The following TRPC7 variants were observed in gnomAD, a reference collection of about 807,000 sequenced individuals.
The protein encoded by TRPC7 is transient receptor potential cation channel subfamily C member 7.
Under a neutral mutation model 90.1 loss-of-function variants are expected in TRPC7, and 42 were observed. The observed-to-expected ratio is 0.47, with a 90% CI of 0.36 to 0.60. TRPC7 has a LOEUF of 0.60. Among genes scored for constraint, TRPC7 ranks in the 20% least tolerant of loss-of-function variants. The probability of loss-of-function intolerance (pLI) is 0.00; values close to 1 mark genes in which losing one functional copy is unlikely to be tolerated. For missense variants in TRPC7, 955 were observed against 1,112.3 expected (o/e 0.86, Z 2.01); for synonymous variants, 451 against 436.3 (o/e 1.03, Z -0.42).
At chr5:136,357,409 C>T (rs1760427985) in intron 1 of TRPC7, 24 bp from the exon 2 acceptor site, 3 of 1,559,920 alleles carry the variant, frequency 1.9e-6, no homozygotes, top group African/African-American at 2.7e-5. Context: ...CAAAGATGCC[C>T]TGTTACTTTC....
intron 2 of TRPC7, among the ~76,000 whole-genome samples, chr5:136,330,209 C>T (rs1328137838): frequency 6.6e-6 from 1 of 152,188 alleles, no homozygotes; most frequent in Admixed American, 6.5e-5. Context: ...GGTCTGTGCA[C>T]CCATTAGGAT....
At chr5:136,346,613 G>T (rs551417843) in intron 2 of TRPC7, among the ~76,000 whole-genome samples, 2 of 152,198 alleles carry the variant, frequency 1.3e-5, no homozygotes, top group Middle Eastern at 6.8e-3. Context: ...TCACTGGCTT[G>T]GTTTGTGCTT....
intron 8 of TRPC7, among the ~76,000 whole-genome samples, chr5:136,228,633 G>T (rs1755713019): frequency 6.6e-6 from 1 of 151,892 alleles, no homozygotes; most frequent in South Asian, 2.1e-4. Flanking sequence ...GGGGGCTGGG[G>T]TGGGGGGAGT....
chr5:136,318,463 C>T (rs1759095786), intron 2 of TRPC7, among the ~76,000 whole-genome samples: 1 of 152,146 alleles, frequency 6.6e-6, no homozygotes, highest in African/African-American at 2.4e-5. Context: ...CAGATCTACG[C>T]TCTTCCTTAT....
In TRPC7 at chr5:136,345,225, C is replaced by T. The variant is rs1351929167; in HGVS notation, c.780+11383G>A. ...TATAGTATTAATTCAAATTTTTGTA[C>T]CTGGAGGTTGGGGAGGATTAGGAGA... On this transcript the variant is annotated intron_variant, in intron 2 of 11. Coordinates refer to ENST00000513104, the MANE Select transcript of TRPC7 (RefSeq NM_020389.3). Among the ~76,000 whole-genome samples the T allele has an allele frequency of 2.0e-5, 3 of 151,946 alleles. No individual in the cohort carries two copies. The East Asian group carries it at 5.8e-4, about 29-fold the overall frequency.
rs1339688307 is a variant in TRPC7 at position 136,344,831 on chromosome 5, C to T, written c.780+11777G>A. 3.9e-5 allele frequency among the ~76,000 whole-genome samples: 6 copies of T among 152,154 alleles called. No homozygotes were observed. The East Asian group carries it at 1.2e-3, about 29-fold the overall frequency. On this transcript the variant is annotated intron_variant, in intron 2 of 11. Coordinates refer to ENST00000513104, the MANE Select transcript of TRPC7 (RefSeq NM_020389.3). ...GGATGTCTATCACTAAGAGAATGAGCCAGTCAAAGACTGTAGGTGCAGGAA... is the reference window on the plus strand; with the variant it reads ...GGATGTCTATCACTAAGAGAATGAGTCAGTCAAAGACTGTAGGTGCAGGAA...
intron 3 of TRPC7, among the ~76,000 whole-genome samples, chr5:136,287,302 A>G (rs1757752540): frequency 1.3e-5 from 2 of 151,992 alleles, no homozygotes; most frequent in African/African-American, 2.4e-5. Flanking sequence ...GTTTTTAGGA[A>G]TGGTTCTGAA....
chr5:136,301,896 C>T (rs1221494164), intron 3 of TRPC7, among the ~76,000 whole-genome samples: 1 of 152,222 alleles, frequency 6.6e-6, no homozygotes, highest in African/African-American at 2.4e-5. Flanking sequence ...CGTCTTCCTG[C>T]TCTTTGCTCC....
chr5:136,342,827 A>G (rs537791902), intron 2 of TRPC7, among the ~76,000 whole-genome samples: 1 of 152,244 alleles, frequency 6.6e-6, no homozygotes, highest in African/African-American at 2.4e-5. Context: ...CACAGAAAAT[A>G]TAACTGGATC....
chr5:136,247,694 C>T lies in TRPC7; in HGVS notation c.1621G>A (p.Glu541Lys). ...ACGACGGCTATCGCGTAGAGCCCTT[C>T]CGATATGATCTGAGGGTCTGAAGGC... Reference protein sequence around the residue: ...WWPSDPQIISEGLYAIAVVLS... With the variant: ...WWPSDPQIISKGLYAIAVVLS... Residue 541 changes from glutamate (E) to lysine (K), a missense_variant, in exon 7 of 12, where the codon GAA (glutamate) becomes AAA (lysine). Glu to Lys is a moderately conservative substitution (Grantham distance 56, BLOSUM62 1). Around this residue, in one of 4 missense-constraint regions of TRPC7, gnomAD observed 296 missense variants for 422.7 expected, o/e 0.70. Coordinates refer to ENST00000513104, the MANE Select transcript of TRPC7 (RefSeq NM_020389.3). The surrounding 1 kb of genome is among the most constrained non-coding windows in gnomAD (Gnocchi z 4.2). The T allele has an allele frequency of 6.2e-7, 1 of 1,613,954 alleles. No homozygotes were observed. Among genetic ancestry groups the T allele is most frequent in the Non-Finnish European group, 8.5e-7 (1 of 1,179,876 alleles).
intron 5 of TRPC7, among the ~76,000 whole-genome samples, chr5:136,260,064 A>C (rs932285880): frequency 6.6e-6 from 1 of 152,226 alleles, no homozygotes. Context: ...CTTCCTATAG[A>C]ACTGTAAATC....
In TRPC7 at chr5:136,283,729, C is replaced by T. The variant is rs554767939; in HGVS notation, c.964-8892G>A. On this transcript the variant is annotated intron_variant, in intron 3 of 11. Coordinates refer to ENST00000513104, the MANE Select transcript of TRPC7 (RefSeq NM_020389.3). ...CTCATGACTCACACTTAGGTCTTGA[C>T]CAGATTTCTTACTTCTGGGAATTTT... 2.2e-3 allele frequency among the ~76,000 whole-genome samples: 330 copies of T among 152,310 alleles called. 1 individual carries two copies. Among genetic ancestry groups the T allele is most frequent in the African/African-American group, 7.2e-3 (299 of 41,560 alleles).
intron 5 of TRPC7, among the ~76,000 whole-genome samples, chr5:136,255,024 G>T (rs1041077684): frequency 6.6e-6 from 1 of 152,186 alleles, no homozygotes; most frequent in Non-Finnish European, 1.5e-5. Flanking sequence ...TGACTAAATT[G>T]CTGCAATTTC....
In TRPC7 at chr5:136,255,417, A is replaced by C. The variant is rs530732305; in HGVS notation, c.1346-3535T>G. ...GCCAAGACCCTCCACCAGCAAAAAG[A>C]TTATGCCTTGTTGAAGGCTCAGATG... On this transcript the variant is annotated intron_variant, in intron 5 of 11. Transcript: ENST00000513104. Among the ~76,000 whole-genome samples, 19 of 152,340 alleles carry C rather than the reference A, an allele frequency of 1.2e-4. No individual in the cohort carries two copies. In the South Asian group the frequency reaches 3.5e-3, roughly 28 times the overall value.
chr5:136,298,669 C>A (rs1475839006), intron 3 of TRPC7, among the ~76,000 whole-genome samples: 3 of 152,054 alleles, frequency 2.0e-5, no homozygotes, highest in Non-Finnish European at 2.9e-5. Context: ...AACCCCCTTG[C>A]CTTAACATGG....
intron 2 of TRPC7, among the ~76,000 whole-genome samples, chr5:136,338,501 A>C (rs908603412): frequency 6.6e-6 from 1 of 152,242 alleles, no homozygotes; most frequent in Non-Finnish European, 1.5e-5. Flanking sequence ...CTGGTGAAAA[A>C]GTACATAGTG....
At chr5:136,324,811 A>G (rs1759297853) in intron 2 of TRPC7, among the ~76,000 whole-genome samples, 1 of 152,234 alleles carries the variant, frequency 6.6e-6, no homozygotes, top group Non-Finnish European at 1.5e-5. Flanking sequence ...AGTTAAATGA[A>G]TTTCTCAGAG....
In TRPC7 at chr5:136,315,597, C is replaced by T. The variant is rs1758989218; in HGVS notation, c.963G>A (p.Lys321=). ...GACCAGGAGAGATGGGGGAGCTTAC[C>T]TTCTTGACTTCATATTTAATGGCGA... ...IKLAIKYEVK[K]FVAHPNCQQQ... The change falls in exon 3 of 12, where the codon AAG becomes AAA. Residue 321 remains lysine (K), a splice_region_variant and synonymous_variant. Coordinates refer to ENST00000513104, the MANE Select transcript of TRPC7 (RefSeq NM_020389.3). The T allele has an allele frequency of 1.2e-6, 2 of 1,613,406 alleles. 1 individual carries two copies. The highest frequency in any genetic ancestry group is 3.3e-5 in the Admixed American group (2 of 59,972).
chr5:136,360,512 T>TA (rs1247560657), intron 1 of TRPC7, among the ~76,000 whole-genome samples: 2 of 152,202 alleles, frequency 1.3e-5, no homozygotes, highest in Admixed American at 1.3e-4. Context: ...TGGCAGACGT[T>TA]AAAATGTCCT....
Sources: allele counts gnomAD v4.1 joint callset (sites outside exome capture counted in the v4.1 genomes callset), GRCh38; gene constraint gnomAD v4.1.1; regional missense constraint gnomAD v4.1.1; non-coding constraint Gnocchi (gnomAD v3.1); transcripts MANE v1.5; gene names NCBI Gene and HGNC (gene_info 2026-07-23, HGNC 2026-07-21).